The following TIMP2 variants were observed in gnomAD, a reference collection of about 807,000 sequenced individuals.
The protein encoded by TIMP2 is TIMP metallopeptidase inhibitor 2.
In TIMP2, 5 loss-of-function variants were observed where a neutral mutation model predicts 24.3. That is an observed-to-expected ratio of 0.21 (90% CI 0.11 to 0.43). The LOEUF is 0.43. TIMP2 is among the 20% of genes least tolerant of loss of function. The pLI, the probability that TIMP2 is intolerant of heterozygous loss-of-function variation, is 1.00. For missense variants in TIMP2, 221 were observed against 297.5 expected, an observed-to-expected ratio of 0.74 and a Z score of 1.89; for synonymous variants, 130 against 123.2, an observed-to-expected ratio of 1.06 and a Z score of -0.37.
At position 78,891,278 on chromosome 17, in the gene TIMP2, G is replaced by A. The variant is rs118160201; in HGVS notation, c.131-17359C>T. ...TGCCTGCTGCGCCTCCTCCTCTGCT[G>A]GGCTCCTGGGTTCCCCGGCAGGCAG... On this transcript the variant is annotated intron_variant, in intron 1 of 4. Transcript: ENST00000262768. This position sits in a 1 kb window ranked among gnomAD's most constrained non-coding sequence, Gnocchi z 4.5. The A allele has an allele frequency of 8.4e-6, 13 of 1,550,536 alleles. No individual in the cohort carries two copies. Among genetic ancestry groups the A allele is most frequent in the Non-Finnish European group, 1.1e-5 (13 of 1,146,990 alleles).
intron 3 of TIMP2, among the ~76,000 whole-genome samples, chr17:78,857,942 C>T (rs905814929): frequency 3.9e-5 from 6 of 152,042 alleles, no homozygotes; most frequent in African/African-American, 9.7e-5. Context: ...TGGTGTCACA[C>T]GCCTGTAATC....
intron 1 of TIMP2, among the ~76,000 whole-genome samples, chr17:78,894,095 A>G (rs7210824): frequency 0.089 from 13,501 of 152,208 alleles, 1,816 homozygotes; most frequent in African/African-American, 0.3. Context: ...TACTGCATCT[A>G]CATTACAGCT....
In TIMP2 at chr17:78,896,501, T is replaced by C. The variant is rs2070002058; in HGVS notation, c.131-22582A>G. On this transcript the variant is annotated intron_variant, in intron 1 of 4. Coordinates refer to ENST00000262768, the MANE Select transcript of TIMP2 (RefSeq NM_003255.5). The surrounding 1 kb of genome is among the most constrained non-coding windows in gnomAD (Gnocchi z 4.4). ...CCCTCCCAGAGGCACCTGCCCTCTCTGGTTGCTTAGAATATTCTAGAAGGG... is the reference window on the plus strand; with the variant it reads ...CCCTCCCAGAGGCACCTGCCCTCTCCGGTTGCTTAGAATATTCTAGAAGGG... Among the ~76,000 whole-genome samples the C allele has an allele frequency of 6.6e-6, 1 of 152,154 alleles. No individual in the cohort carries two copies. The highest frequency in any genetic ancestry group is 2.1e-4 in the South Asian group (1 of 4,832).
intron 1 of TIMP2, among the ~76,000 whole-genome samples, chr17:78,900,601 G>A (rs2070075961): frequency 6.6e-6 from 1 of 152,042 alleles, no homozygotes; most frequent in Non-Finnish European, 1.5e-5. Context: ...GGTGGTGGTG[G>A]GCTCTTCCAC....
chr17:78,904,610 G>A (rs1004268366), intron 1 of TIMP2: 37 of 152,180 alleles, frequency 2.4e-4, no homozygotes, highest in African/African-American at 8.5e-4. Flanking sequence ...CCCACTTTTG[G>A]AGTCCATCTT....
rs1478778270 is a variant in TIMP2, at chr17:78,854,296, T to C, written c.*1371A>G. On this transcript the variant is annotated 3_prime_UTR_variant, in exon 5 of 5. Transcript: ENST00000262768. ...CTCCTTATCATTACCGAGAAAGTTCTTCCTATCCTAACCCCCATATCACTG... is the reference window on the plus strand; with the variant it reads ...CTCCTTATCATTACCGAGAAAGTTCCTCCTATCCTAACCCCCATATCACTG... 1 of 151,950 alleles carries C rather than the reference T, an allele frequency of 6.6e-6. No homozygotes were observed. Among genetic ancestry groups the C allele is most frequent in the African/African-American group, 2.4e-5 (1 of 41,382 alleles). The allele number at this position is 151,950 out of a possible 1,614,324, so 9.4% of individuals were successfully genotyped here.
chr17:78,873,001 G>A (rs1452510275), intron 2 of TIMP2, among the ~76,000 whole-genome samples: 1 of 151,940 alleles, frequency 6.6e-6, no homozygotes, highest in East Asian at 1.9e-4. Flanking sequence ...GCTAATTTTT[G>A]TATTTTTAGT....
chr17:78,901,542 G>A (rs1036642572), intron 1 of TIMP2, among the ~76,000 whole-genome samples: 1 of 152,128 alleles, frequency 6.6e-6, no homozygotes. Context: ...AAAGGTCCTA[G>A]GAAGAAAAGC....
intron 2 of TIMP2, among the ~76,000 whole-genome samples, chr17:78,872,183 G>A (rs1313408437): frequency 2.0e-5 from 3 of 151,056 alleles, no homozygotes; most frequent in Non-Finnish European, 4.4e-5. Context: ...CAGAGACGAG[G>A]TCTCGCTCTA....
intron 1 of TIMP2, among the ~76,000 whole-genome samples, chr17:78,909,145 C>T (rs1006177512): frequency 6.6e-6 from 1 of 152,036 alleles, no homozygotes; most frequent in Non-Finnish European, 1.5e-5. Flanking sequence ...CCCAGGAGTT[C>T]GAGACCAGAC....
At chr17:78,915,674 C>G (rs2070251178) in intron 1 of TIMP2, among the ~76,000 whole-genome samples, 1 of 152,126 alleles carries the variant, frequency 6.6e-6, no homozygotes, top group Non-Finnish European at 1.5e-5. Context: ...CGTGCACCAC[C>G]ACGCCCAGCT....
intron 1 of TIMP2, among the ~76,000 whole-genome samples, chr17:78,882,114 G>A (rs1031373442): frequency 3.3e-5 from 5 of 152,284 alleles, no homozygotes; most frequent in Middle Eastern, 3.4e-3. Context: ...ACAGGTGCCC[G>A]CCACCATGCC....
At chr17:78,874,106 A>C (rs1424450338) in intron 1 of TIMP2, 187 bp from the exon 2 acceptor site, 2 of 539,880 alleles carry the variant, frequency 3.7e-6, no homozygotes, top group East Asian at 6.4e-5. Context: ...AGGCTGAGAG[A>C]TGATGCCCAG....
chr17:78,876,590 C>T (rs578007329), intron 1 of TIMP2, among the ~76,000 whole-genome samples: 1 of 152,244 alleles, frequency 6.6e-6, no homozygotes, highest in Non-Finnish European at 1.5e-5. Flanking sequence ...GATCTCAGCT[C>T]ACTGCAACCT....
chr17:78,894,300 C>G (rs987138142), intron 1 of TIMP2, among the ~76,000 whole-genome samples: 1 of 151,980 alleles, frequency 6.6e-6, no homozygotes, highest in Non-Finnish European at 1.5e-5. Flanking sequence ...GCTGCTTGGA[C>G]GAACCCCAGC....
Position 78,891,805 on chromosome 17 carries a change from A to G in TIMP2, c.131-17886T>C. 1 of 1,550,962 alleles carries G rather than the reference A, an allele frequency of 6.4e-7. No homozygotes were observed. The highest frequency in any genetic ancestry group is 8.7e-7 in the Non-Finnish European group (1 of 1,147,076). On this transcript the variant is annotated intron_variant, in intron 1 of 4. Coordinates refer to ENST00000262768, the MANE Select transcript of TIMP2 (RefSeq NM_003255.5). This position sits in a 1 kb window ranked among gnomAD's most constrained non-coding sequence, Gnocchi z 4.5. ...GATGGATGGCACAGCGGCCACCCCC[A>G]GACTTGGTCGAAGGTTCTGGCCTTC...
intron 1 of TIMP2, among the ~76,000 whole-genome samples, chr17:78,880,691 C>T (rs546546188): frequency 6.6e-6 from 1 of 152,322 alleles, no homozygotes; most frequent in African/African-American, 2.4e-5. Flanking sequence ...AAGAACCAGA[C>T]CCTGCCTTTG....
chr17:78,861,625 C>T (rs1338246213), intron 3 of TIMP2, among the ~76,000 whole-genome samples: 3 of 147,146 alleles, frequency 2.0e-5, no homozygotes, highest in Admixed American at 6.8e-5. Context: ...TTTTTGGAGA[C>T]GGAGTCTTGC....
At position 78,871,904 on chromosome 17, in the gene TIMP2, C is replaced by G. The variant is rs1484837380; in HGVS notation, c.232-898G>C. 2.0e-5 allele frequency among the ~76,000 whole-genome samples: 3 copies of G among 152,096 alleles called. No homozygotes were observed. The East Asian group carries it at 5.8e-4, about 29-fold the overall frequency. ...CATCCTCAGACAACACCTCTGTTCC[C>G]TCACCCCCCACCCCAAAGAGGTCAT... is the stretch of plus-strand genomic sequence containing the variant. On this transcript the variant is annotated intron_variant, in intron 2 of 4. Transcript: ENST00000262768.
Sources: gnomAD v4.1 joint callset for allele counts (sites outside exome capture counted in the v4.1 genomes callset) on GRCh38, gnomAD v4.1.1 for gene constraint, Gnocchi (gnomAD v3.1) non-coding constraint, MANE v1.5 for transcripts, NCBI Gene and HGNC (gene_info 2026-07-23, HGNC 2026-07-21) for gene names.